The following SYNE2 variants were observed in gnomAD, a reference collection of about 807,000 sequenced individuals.
SYNE2 encodes the protein spectrin repeat containing nuclear envelope protein 2.
Under a neutral mutation model 856.3 loss-of-function variants are expected in SYNE2, and 431 were observed. That is an observed-to-expected ratio of 0.50 (90% CI 0.47 to 0.55). The LOEUF is 0.55. Ranked by LOEUF, SYNE2 falls within the 20% of genes least tolerant of loss-of-function variation. The pLI, the probability that SYNE2 is intolerant of heterozygous loss-of-function variation, is 0.00. For missense variants in SYNE2, 8,129 were observed against 8,023.2 expected (o/e 1.01, Z -0.50); for synonymous variants, 2,923 against 2,872.3 (o/e 1.02, Z -0.56).
chr14:64,131,300 C>T (rs2098018161), intron 76 of SYNE2, among the ~76,000 whole-genome samples: 1 of 152,178 alleles, frequency 6.6e-6, no homozygotes, highest in Non-Finnish European at 1.5e-5. Context: ...AGGGATCCCT[C>T]CAGACAACTG....
intron 6 of SYNE2, among the ~76,000 whole-genome samples, chr14:63,948,495 C>G: frequency 6.6e-6 from 1 of 151,034 alleles, no homozygotes; most frequent in Non-Finnish European, 1.5e-5. Flanking sequence ...AACCCTGTCT[C>G]TACTAAAAAT....
chr14:64,139,864 A>C, intron 79 of SYNE2, 77 bp from the exon 80 acceptor site: 1 of 1,488,876 alleles, frequency 6.7e-7, no homozygotes, highest in South Asian at 1.1e-5. Context: ...CAATAAAATA[A>C]GAAAATTTGC....
At chr14:63,823,036 C>T (rs558184369) in intron 1 of SYNE2, among the ~76,000 whole-genome samples, 129 of 151,970 alleles carry the variant, frequency 8.5e-4, no homozygotes, top group Non-Finnish European at 1.5e-3. Flanking sequence ...CCTAGGAGTT[C>T]GAGGTTGCAG....
chr14:64,220,928 C>T (rs1352018841), intron 111 of SYNE2, among the ~76,000 whole-genome samples: 3 of 152,076 alleles, frequency 2.0e-5, no homozygotes, highest in African/African-American at 4.8e-5. Context: ...TCTTTTTGTC[C>T]TTTTGCCAGA....
chr14:64,091,190 C>G, intron 60 of SYNE2, 142 bp downstream of exon 60: 1 of 764,836 alleles, frequency 1.3e-6, no homozygotes, highest in South Asian at 1.6e-5. Flanking sequence ...TCTTCATGCT[C>G]AAATGGAGCT....
intron 45 of SYNE2, among the ~76,000 whole-genome samples, chr14:64,047,717 T>C (rs1440772509): frequency 6.6e-6 from 1 of 152,246 alleles, no homozygotes; most frequent in African/African-American, 2.4e-5. Flanking sequence ...TTTTGGGGTT[T>C]TTTTAAATAC....
At chr14:64,060,475 ACT>A (rs1213828395) in intron 49 of SYNE2, among the ~76,000 whole-genome samples, 2 of 151,736 alleles carry the variant, frequency 1.3e-5, no homozygotes, top group Admixed American at 6.6e-5. Flanking sequence ...GGGCCTCATG[ACT>A]CTGCCCAGTA....
chr14:63,790,997 G>A (rs1041414488), intron 1 of SYNE2, among the ~76,000 whole-genome samples: 4 of 151,352 alleles, frequency 2.6e-5, no homozygotes, highest in African/African-American at 4.9e-5. Flanking sequence ...TCTCGCTGTC[G>A]CCCAGGCTGG....
At chr14:63,767,111 C>CTT (rs11374988) in intron 1 of SYNE2, among the ~76,000 whole-genome samples, 35 of 144,206 alleles carry the variant, frequency 2.4e-4, no homozygotes, top group African/African-American at 5.1e-4. Context: ...TTTTTTTTAT[C>CTT]TTTTTTTTTT....
At chr14:63,943,539 TA>T (rs1482424138) in intron 6 of SYNE2, among the ~76,000 whole-genome samples, 2 of 152,158 alleles carry the variant, frequency 1.3e-5, no homozygotes, top group Admixed American at 1.3e-4. Context: ...AATGGAATAA[TA>T]TGCATGAGAT....
In SYNE2 at chr14:63,863,296, T is replaced by G. The variant is rs141222669; in HGVS notation, c.-52+10153T>G. Among the ~76,000 whole-genome samples the G allele has an allele frequency of 2.5e-3, 377 of 152,242 alleles. 1 individual carries two copies. Among genetic ancestry groups the G allele is most frequent in the African/African-American group, 8.5e-3 (353 of 41,552 alleles). ...ATGACACATTTAGTAGGAGATCAGGTTATGGGATAGTTCATGTTTGGAGAG... is the reference window on the plus strand; with the variant it reads ...ATGACACATTTAGTAGGAGATCAGGGTATGGGATAGTTCATGTTTGGAGAG... On this transcript the variant is annotated intron_variant, in intron 1 of 115. Transcript: ENST00000555002.
chr14:64,056,245 C>G lies in SYNE2; in HGVS notation c.10046C>G (p.Ala3349Gly), dbSNP rs12436178. 3 of 1,614,032 alleles carry G rather than the reference C, an allele frequency of 1.9e-6. No individual in the cohort carries two copies. The African/African-American group carries it at 4.0e-5, about 22-fold the overall frequency. ...TCAGCAATGAAGGAAGCTTTCAAAG[C>G]ACAGGAAACTGAGGCAGAAAGGTAG... Reference protein sequence around the residue: ...KNSAMKEAFKAQETEAERYLE... With the variant: ...KNSAMKEAFKGQETEAERYLE... The change falls in exon 49 of 116, where the codon GCA (alanine) becomes GGA (glycine). Residue 3349 changes from alanine to glycine, a missense_variant. Physicochemically the swap from Ala to Gly is moderately conservative, Grantham distance 60. Transcript: ENST00000555002.
intron 1 of SYNE2, among the ~76,000 whole-genome samples, chr14:63,887,313 A>G (rs1429354858): frequency 6.6e-6 from 1 of 152,204 alleles, no homozygotes; most frequent in African/African-American, 2.4e-5. Flanking sequence ...AGAAACCCTA[A>G]ATGTATGGAA....
intron 27 of SYNE2, among the ~76,000 whole-genome samples, chr14:64,000,092 A>G (rs2096742536): frequency 6.6e-6 from 1 of 152,234 alleles, no homozygotes; most frequent in African/African-American, 2.4e-5. Context: ...GCATCAAGAT[A>G]AGGAGCTGGA....
intron 87 of SYNE2, among the ~76,000 whole-genome samples, chr14:64,161,345 G>GAA (rs769939533): frequency 8.1e-6 from 1 of 123,534 alleles, no homozygotes; most frequent in Non-Finnish European, 1.8e-5. Flanking sequence ...CCCTGTTTCA[G>GAA]AAAAAAAAAA....
intron 43 of SYNE2, among the ~76,000 whole-genome samples, chr14:64,028,865 G>C (rs529725848): frequency 6.6e-6 from 1 of 152,118 alleles, no homozygotes; most frequent in Non-Finnish European, 1.5e-5. Context: ...GGCTGGGCAC[G>C]GTGGCTCAAC....
At chr14:63,911,166 G>T (rs1036996580) in intron 2 of SYNE2, among the ~76,000 whole-genome samples, 3 of 151,912 alleles carry the variant, frequency 2.0e-5, no homozygotes, top group Non-Finnish European at 4.4e-5. Context: ...TCCCTGGTCC[G>T]CCAGCCTGTG....
chr14:64,138,589 A>G, intron 79 of SYNE2, among the ~76,000 whole-genome samples: 1 of 152,286 alleles, frequency 6.6e-6, no homozygotes, highest in Non-Finnish European at 1.5e-5. Flanking sequence ...TATATAGGTT[A>G]CCTTTATACC....
At chr14:63,979,933 G>A (rs1271876267) in intron 14 of SYNE2, among the ~76,000 whole-genome samples, 1 of 151,646 alleles carries the variant, frequency 6.6e-6, no homozygotes, top group Non-Finnish European at 1.5e-5. Context: ...ATGAGGGGGG[G>A]AAGGAAAAAT....
Sources: gnomAD v4.1 joint callset for allele counts (sites outside exome capture counted in the v4.1 genomes callset) on GRCh38, gnomAD v4.1.1 for gene constraint, MANE v1.5 for transcripts, NCBI Gene and HGNC (gene_info 2026-07-23, HGNC 2026-07-21) for gene names.